PCDH9: variants seen among roughly 807,000 people sequenced by gnomAD.
PCDH9 encodes the protein protocadherin 9.
A neutral mutation model predicts 70.6 loss-of-function variants in PCDH9; 24 were observed. The observed-to-expected ratio is 0.34, with a 90% CI of 0.25 to 0.48. The LOEUF is 0.48. PCDH9 is among the 20% of genes least tolerant of loss of function. The pLI, the probability that PCDH9 is intolerant of heterozygous loss-of-function variation, is 0.99. For synonymous variants in PCDH9, 562 were observed against 558.5 expected (o/e 1.01, Z -0.09); for missense variants, 1,281 against 1,503.6 (o/e 0.85, Z 2.45).
chr13:67,145,169 T>C (rs570191326), intron 2 of PCDH9, among the ~76,000 whole-genome samples: 3 of 152,008 alleles, frequency 2.0e-5, no homozygotes, highest in Non-Finnish European at 4.4e-5. Context: ...ATGATGACAG[T>C]TTAAAACATC....
intron 3 of PCDH9, among the ~76,000 whole-genome samples, chr13:66,754,815 G>A (rs914421786): frequency 6.6e-6 from 1 of 151,966 alleles, no homozygotes; most frequent in East Asian, 1.9e-4. Flanking sequence ...CTCTTCACCA[G>A]GAAAGATATT....
Position 66,438,687 on chromosome 13 carries a change from T to C in PCDH9, c.3341-133659A>G, listed in dbSNP as rs77197650. ...CCATACAAGCCCACATAACACTCCT[T>C]ATCTCTTTCTCCTTGTCTGAAAATT... On this transcript the variant is annotated intron_variant, in intron 4 of 4. Coordinates refer to ENST00000377865, the MANE Select transcript of PCDH9 (RefSeq NM_203487.3). Among the ~76,000 whole-genome samples, 534 of 152,308 alleles carry C rather than the reference T, an allele frequency of 3.5e-3. 4 individuals carry two copies. Among genetic ancestry groups the C allele is most frequent in the African/African-American group, 0.012 (517 of 41,566 alleles).
At chr13:66,706,012 T>C (rs1566517641) in intron 3 of PCDH9, among the ~76,000 whole-genome samples, 1 of 152,214 alleles carries the variant, frequency 6.6e-6, no homozygotes, top group Non-Finnish European at 1.5e-5. Flanking sequence ...TGAAATACTT[T>C]GATTGCGGGA....
intron 2 of PCDH9, among the ~76,000 whole-genome samples, chr13:66,995,312 G>A (rs1043822253): frequency 3.9e-5 from 6 of 152,120 alleles, no homozygotes; most frequent in Non-Finnish European, 7.3e-5. Flanking sequence ...GGCAAAAGAG[G>A]TGGACAGTGA....
chr13:67,081,384 C>T (rs947839845), intron 2 of PCDH9, among the ~76,000 whole-genome samples: 2 of 152,270 alleles, frequency 1.3e-5, no homozygotes, highest in Admixed American at 6.5e-5. Flanking sequence ...GCCTGACCAA[C>T]ATGGTGAAAC....
intron 2 of PCDH9, among the ~76,000 whole-genome samples, chr13:67,010,253 C>T (rs2084427990): frequency 6.6e-6 from 1 of 151,826 alleles, no homozygotes; most frequent in Non-Finnish European, 1.5e-5. Context: ...TCCTTAAAGT[C>T]CCCAGCTAGT....
intron 4 of PCDH9, among the ~76,000 whole-genome samples, chr13:66,406,162 G>A (rs1011717128): frequency 6.6e-6 from 1 of 152,096 alleles, no homozygotes; most frequent in Non-Finnish European, 1.5e-5. Flanking sequence ...AAGCAGTGCC[G>A]ACCTTGGATT....
chr13:66,718,203 A>G (rs1032083462), intron 3 of PCDH9, among the ~76,000 whole-genome samples: 1 of 152,182 alleles, frequency 6.6e-6, no homozygotes, highest in Non-Finnish European at 1.5e-5. Context: ...ATGTAAGTAC[A>G]AAGGTTAGAA....
chr13:66,763,046 A>G (rs1732488244), intron 3 of PCDH9, among the ~76,000 whole-genome samples: 1 of 151,916 alleles, frequency 6.6e-6, no homozygotes, highest in South Asian at 2.1e-4. Context: ...GTGCACTGCA[A>G]CCCTGAACTC....
At chr13:66,932,516 AT>A (rs2082828410) in intron 2 of PCDH9, among the ~76,000 whole-genome samples, 1 of 152,048 alleles carries the variant, frequency 6.6e-6, no homozygotes, top group Non-Finnish European at 1.5e-5. Flanking sequence ...CTCCAGAGAA[AT>A]TGTTTAAAGG....
At chr13:66,751,034 AACAATTGACTTCG>A (rs2079449381) in intron 3 of PCDH9, among the ~76,000 whole-genome samples, 1 of 152,162 alleles carries the variant, frequency 6.6e-6, no homozygotes, top group Non-Finnish European at 1.5e-5. Flanking sequence ...ACAAATAGCT[AACAATTGACTTCG>A]ACATTCTCAT....
intron 2 of PCDH9, chr13:67,209,939 T>G (rs1441489932): frequency 6.6e-6 from 1 of 152,094 alleles, no homozygotes; most frequent in Admixed American, 6.6e-5. Context: ...ATAAAATCAG[T>G]GGGCACCATT....
At chr13:66,999,441 C>T (rs956969351) in intron 2 of PCDH9, among the ~76,000 whole-genome samples, 16 of 152,134 alleles carry the variant, frequency 1.1e-4, no homozygotes, top group Non-Finnish European at 2.4e-4. Flanking sequence ...AGTTTTTATA[C>T]CATTAAACTA....
chr13:66,731,956 A>G (rs1362399867), intron 3 of PCDH9, among the ~76,000 whole-genome samples: 3 of 151,994 alleles, frequency 2.0e-5, no homozygotes, highest in Non-Finnish European at 2.9e-5. Context: ...GAACCTCATC[A>G]TATGTGGAAG....
intron 2 of PCDH9, among the ~76,000 whole-genome samples, chr13:67,059,025 T>A (rs1566395573): frequency 6.6e-6 from 1 of 151,994 alleles, no homozygotes; most frequent in Non-Finnish European, 1.5e-5. Context: ...CTTCCTCTTC[T>A]TACATAGCTG....
chr13:66,972,573 A>AT (rs575239884), intron 2 of PCDH9, among the ~76,000 whole-genome samples: 116 of 152,030 alleles, frequency 7.6e-4, no homozygotes, highest in Non-Finnish European at 1.3e-3. Context: ...CATATCTGTG[A>AT]TTTTTTAAAT....
intron 2 of PCDH9, chr13:67,207,966 C>T (rs1364024362): frequency 6.6e-6 from 1 of 152,132 alleles, no homozygotes; most frequent in African/African-American, 2.4e-5. Context: ...TTGGGAAGCA[C>T]AGTCTATACC....
intron 4 of PCDH9, among the ~76,000 whole-genome samples, chr13:66,528,896 A>C (rs1227570605): frequency 5.3e-5 from 8 of 152,102 alleles, no homozygotes; most frequent in Non-Finnish European, 5.9e-5. Context: ...GTTTTTTAAA[A>C]AAATAACCTC....
At chr13:67,180,471 G>A (rs2088586613) in intron 2 of PCDH9, among the ~76,000 whole-genome samples, 1 of 152,060 alleles carries the variant, frequency 6.6e-6, no homozygotes, top group African/African-American at 2.4e-5. Flanking sequence ...TGTTATTATA[G>A]GATGCCTCCC....
Sources: gnomAD v4.1 joint callset for allele counts (sites outside exome capture counted in the v4.1 genomes callset) on GRCh38, gnomAD v4.1.1 for gene constraint, MANE v1.5 for transcripts, NCBI Gene and HGNC (gene_info 2026-07-23, HGNC 2026-07-21) for gene names.